KATNIP: variants seen among roughly 807,000 people sequenced by gnomAD.
KATNIP encodes the protein katanin-interacting protein.
A neutral mutation model predicts 174.0 loss-of-function variants in KATNIP; 126 were observed. The ratio of observed to expected loss-of-function variants is 0.72; its 90% CI spans 0.63 to 0.84. The LOEUF (loss-of-function observed/expected upper bound fraction) is 0.84. Ranked by LOEUF, KATNIP falls within the 40% of genes least tolerant of loss-of-function variation. The pLI is 0.00. For missense variants in KATNIP, 1,958 were observed against 2,109.7 expected (o/e 0.93, Z 1.41); for synonymous variants, 810 against 835.7 (o/e 0.97, Z 0.53).
rs777073267 is a variant in KATNIP, at chr16:27,721,550, C to A, written c.1606-8C>A. ...CCTAATGATTTCCTTCTCTTGCTGG[C>A]CTTCTAGGGCAAGAAAGACTCCTCC... On this transcript the variant is annotated splice_region_variant and splice_polypyrimidine_tract_variant and intron_variant, in intron 13 of 27. Coordinates refer to ENST00000261588, the MANE Select transcript of KATNIP (RefSeq NM_015202.5). 6.8e-6 allele frequency: 11 copies of A among 1,613,940 alleles called. No homozygotes were observed. The Admixed American group carries it at 1.7e-4, about 24-fold the overall frequency.
intron 14 of KATNIP, among the ~76,000 whole-genome samples, chr16:27,731,505 C>G (rs2080682144): frequency 6.6e-6 from 1 of 152,204 alleles, no homozygotes; most frequent in Non-Finnish European, 1.5e-5. Flanking sequence ...CTGCAGTTAC[C>G]AGCTCCATTT....
intron 12 of KATNIP, among the ~76,000 whole-genome samples, chr16:27,704,553 C>A (rs2142995921): frequency 6.6e-6 from 1 of 152,234 alleles, no homozygotes; most frequent in Middle Eastern, 3.4e-3. Flanking sequence ...AAGCTAGAGG[C>A]AGGAAGATGT....
intron 1 of KATNIP, among the ~76,000 whole-genome samples, chr16:27,570,254 A>G (rs2090238187): frequency 6.6e-6 from 1 of 152,116 alleles, no homozygotes; most frequent in South Asian, 2.1e-4. Flanking sequence ...GTGGAGGAAG[A>G]AAACTCCAGT....
At chr16:27,716,922 G>A (rs2079970689) in intron 13 of KATNIP, among the ~76,000 whole-genome samples, 1 of 151,886 alleles carries the variant, frequency 6.6e-6, no homozygotes, top group Non-Finnish European at 1.5e-5. Context: ...TCGGCTCACT[G>A]CAACCTCCAC....
chr16:27,733,864 C>A (rs999029853), intron 14 of KATNIP, among the ~76,000 whole-genome samples: 2 of 152,120 alleles, frequency 1.3e-5, no homozygotes, highest in African/African-American at 4.8e-5. Flanking sequence ...AATCTTCCAT[C>A]CTGCTTTCCT....
chr16:27,607,688 C>T (rs576008654), intron 2 of KATNIP, among the ~76,000 whole-genome samples: 314 of 151,682 alleles, frequency 2.1e-3, no homozygotes, highest in African/African-American at 7.3e-3. Flanking sequence ...ACCTCCGTCT[C>T]CCAGGTTCAA....
At chr16:27,579,665 C>T (rs979961328) in intron 2 of KATNIP, among the ~76,000 whole-genome samples, 1 of 152,134 alleles carries the variant, frequency 6.6e-6, no homozygotes, top group East Asian at 1.9e-4. Context: ...AGGCTAGCCC[C>T]AGGGCCCTCA....
At chr16:27,730,444 G>A (rs747362947) in intron 14 of KATNIP, among the ~76,000 whole-genome samples, 4 of 152,022 alleles carry the variant, frequency 2.6e-5, no homozygotes, top group Non-Finnish European at 5.9e-5. Flanking sequence ...GTACTTGTCT[G>A]GACCCTGAAT....
intron 6 of KATNIP, among the ~76,000 whole-genome samples, chr16:27,664,331 A>G (rs941240514): frequency 2.6e-5 from 4 of 152,180 alleles, no homozygotes; most frequent in Non-Finnish European, 4.4e-5. Context: ...ATGTTCTATG[A>G]TATTTCAAAA....
At chr16:27,761,326 C>A in intron 18 of KATNIP, 87 bp from the exon 19 acceptor site, 2 of 1,364,912 alleles carry the variant, frequency 1.5e-6, no homozygotes, top group Non-Finnish European at 2.0e-6. Flanking sequence ...AATATAGAGG[C>A]CGAATAGCAT....
At chr16:27,553,114 C>A (rs2089461602) in intron 1 of KATNIP, among the ~76,000 whole-genome samples, 1 of 152,182 alleles carries the variant, frequency 6.6e-6, no homozygotes, top group African/African-American at 2.4e-5. Context: ...GGCTGCTTTA[C>A]CCATATATGG....
rs2082495481 is a variant in KATNIP, at chr16:27,776,274, G to A, written c.4450-654G>A. 6.6e-6 allele frequency among the ~76,000 whole-genome samples: 1 copy of A among 152,196 alleles called. No individual in the cohort carries two copies. The stretch of plus-strand genomic sequence containing the variant: ...GGACTGAGCCTGCAGTCTGTGGCCA[G>A]TGTGGAATGCTTATTTCTTGATTCT... On this transcript the variant is annotated intron_variant, in intron 24 of 27. Coordinates refer to ENST00000261588, the MANE Select transcript of KATNIP (RefSeq NM_015202.5). The surrounding 1 kb of genome is among the most constrained non-coding windows in gnomAD (Gnocchi z 4.7).
At chr16:27,599,858 G>A (rs530173326) in intron 2 of KATNIP, among the ~76,000 whole-genome samples, 112 of 152,252 alleles carry the variant, frequency 7.4e-4, no homozygotes, top group Non-Finnish European at 1.3e-3. Context: ...TCTGTCCCAC[G>A]TGCCTGCCTT....
intron 13 of KATNIP, among the ~76,000 whole-genome samples, chr16:27,713,809 CATATATATATATATATATATATAT>C (rs60005285): frequency 0.029 from 965 of 33,364 alleles, 39 homozygotes; most frequent in Middle Eastern, 0.14. Flanking sequence ...TGTGTATATA[CATATATATATATATATATATATAT>C]ATATATATAT....
chr16:27,557,104 A>C (rs1360812893), intron 1 of KATNIP, among the ~76,000 whole-genome samples: 3 of 151,662 alleles, frequency 2.0e-5, no homozygotes, highest in Non-Finnish European at 4.4e-5. Flanking sequence ...CGATATGGGA[A>C]TTCATTGTAC....
At chr16:27,677,502 C>T (rs1443041585) in intron 6 of KATNIP, among the ~76,000 whole-genome samples, 1 of 151,830 alleles carries the variant, frequency 6.6e-6, no homozygotes, top group Non-Finnish European at 1.5e-5. Flanking sequence ...CTCCGGGATA[C>T]AAACACCACA....
At chr16:27,550,361 G>A (rs1484587347) in intron 1 of KATNIP, among the ~76,000 whole-genome samples, 184 bp downstream of exon 1, 1 of 152,172 alleles carries the variant, frequency 6.6e-6, no homozygotes, top group Non-Finnish European at 1.5e-5. Flanking sequence ...TGGGGGAGTG[G>A]TCAGTGCTGT....
chr16:27,583,749 T>G (rs1360725449), intron 2 of KATNIP, among the ~76,000 whole-genome samples: 1 of 152,216 alleles, frequency 6.6e-6, no homozygotes, highest in Non-Finnish European at 1.5e-5. Flanking sequence ...GATAGAAGCC[T>G]TCCTTAAACC....
chr16:27,757,485 T>C (rs1045132997), intron 18 of KATNIP: 2 of 985,168 alleles, frequency 2.0e-6, no homozygotes, highest in African/African-American at 1.7e-5. Flanking sequence ...TCTGATGATT[T>C]CCCCAAAGAT....
Sources: gnomAD v4.1 joint callset for allele counts (sites outside exome capture counted in the v4.1 genomes callset) on GRCh38, gnomAD v4.1.1 for gene constraint, Gnocchi (gnomAD v3.1) non-coding constraint, MANE v1.5 for transcripts, NCBI Gene and HGNC (gene_info 2026-07-23, HGNC 2026-07-21) for gene names.